Variants in CCL24 observed in about 807,000 individuals in gnomAD.
CCL24 encodes C-C motif chemokine ligand 24, also known as C-C motif chemokine 24.
Under a neutral mutation model 8.6 loss-of-function variants are expected in CCL24, and 6 were observed. The observed-to-expected ratio is 0.70, with a 90% CI of 0.38 to 1.38. CCL24 has a LOEUF of 1.38. Ranked by LOEUF, CCL24 falls within the 40% of genes most tolerant of loss-of-function variation. The pLI, the probability that CCL24 is intolerant of heterozygous loss-of-function variation, is 0.02. For missense variants in CCL24, 126 were observed against 147.1 expected, an observed-to-expected ratio of 0.86 and a Z score of 0.74; for synonymous variants, 59 against 52.7, an observed-to-expected ratio of 1.12 and a Z score of -0.52.
At chr7:75,814,308 G>T (rs573503087), upstream of CCL24, among the ~76,000 whole-genome samples, 1 of 152,158 alleles carries the variant, frequency 6.6e-6, no homozygotes, top group African/African-American at 2.4e-5. Context: ...GCTCATGCTT[G>T]TAATCCCTGT....
At position 75,820,114 on chromosome 7, in the gene CCL24, T is replaced by C. The variant is rs189252931; in HGVS notation, c.-60+3208A>G. On this transcript the variant is annotated intron_variant, in intron 1 of 3. Coordinates refer to the CCL24 transcript ENST00000416943. The stretch of plus-strand genomic sequence containing the variant: ...CTCTTCTTCTTCTTCTTCCTTCTTC[T>C]TCTTCTTCTTCTTCTTCTCCTCCTC... Among the ~76,000 whole-genome samples the C allele has an allele frequency of 8.1e-4, 106 of 130,564 alleles. 1 individual carries two copies. The highest frequency in any genetic ancestry group is 7.0e-3 in the Middle Eastern group (2 of 286). The allele number at this position is 130,564 out of a possible 152,430, so 85.7% of individuals were successfully genotyped here. A position where few individuals can be genotyped will look rare whatever the true frequency, so the allele number is the denominator to read the frequency against.
intron 1 of CCL24, 98 bp from the exon 2 acceptor site, chr7:75,813,521 G>A: frequency 8.0e-7 from 1 of 1,245,308 alleles, no homozygotes; most frequent in Non-Finnish European, 1.2e-6. Context: ...AACACCGCCA[G>A]TCCATTCACT....
At chr7:75,819,841 C>A (rs1803987017) in intron 1 of CCL24, among the ~76,000 whole-genome samples, 2 of 151,882 alleles carry the variant, frequency 1.3e-5, no homozygotes, top group African/African-American at 4.8e-5. Context: ...ATATTTTAGT[C>A]CCTGACCTGC....
upstream of CCL24, among the ~76,000 whole-genome samples, chr7:75,814,865 G>C (rs1803854560): frequency 6.6e-6 from 1 of 151,890 alleles, no homozygotes; most frequent in African/African-American, 2.4e-5. Context: ...GTGACTCTCT[G>C]TGCAGCCGGA....
chr7:75,820,087 TCCTCTTCTTCTTCTTCTTC>T, intron 1 of CCL24, among the ~76,000 whole-genome samples: 2 of 136,386 alleles, frequency 1.5e-5, no homozygotes, highest in African/African-American at 5.4e-5. Context: ...TTCTTCTTCT[TCCTCTTCTTCTTCTTCTTC>T]CTTCTTCTTC....
upstream of CCL24, among the ~76,000 whole-genome samples, chr7:75,815,988 T>C (rs1245976877): frequency 6.6e-6 from 1 of 152,200 alleles, no homozygotes; most frequent in East Asian, 1.9e-4. Flanking sequence ...CCAACCTCCC[T>C]GCTCTGGGAT....
chr7:75,820,923 T>TCATCCATCCATCCATC (rs150165581), intron 1 of CCL24, among the ~76,000 whole-genome samples: 3 of 144,240 alleles, frequency 2.1e-5, no homozygotes, highest in Non-Finnish European at 3.0e-5. Context: ...ATCCATCAAT[T>TCATCCATCCATCCATC]CATCCATCCA....
upstream of CCL24, among the ~76,000 whole-genome samples, chr7:75,814,571 T>C (rs1055804492): frequency 7.9e-5 from 12 of 151,468 alleles, no homozygotes; most frequent in African/African-American, 2.9e-4. Context: ...TGTCTTAAAA[T>C]CAATCAATCA....
chr7:75,819,195 G>A (rs1488145119), intron 1 of CCL24, among the ~76,000 whole-genome samples: 47 of 137,240 alleles, frequency 3.4e-4, no homozygotes, highest in Non-Finnish European at 6.4e-4. Context: ...TTGAACCTGG[G>A]AGGCAGAGGT....
chr7:75,820,241 C>A (rs1330930456), intron 1 of CCL24, among the ~76,000 whole-genome samples: 1 of 151,146 alleles, frequency 6.6e-6, no homozygotes, highest in African/African-American at 2.4e-5. Flanking sequence ...GGCAACAGCA[C>A]AATCTCGGCT....
intron 1 of CCL24, among the ~76,000 whole-genome samples, chr7:75,820,165 TTCTCCTTCTCCTTCTCC>T (rs1554534900): frequency 2.3e-5 from 2 of 86,400 alleles, no homozygotes; most frequent in African/African-American, 4.1e-5. Context: ...CTCCTTCTCC[TTCTCCTTCTCCTTCTCC>T]TTCTCCTTCT....
Position 75,811,886 on chromosome 7 carries a change from G to A in CCL24, c.270C>T (p.Asp90=), listed in dbSNP as rs202145310. The part of the protein sequence containing the change: ...EWVQRYMKNL[D]AKQKKASPRA... Reference sequence around the variant, plus strand: ...TAGGGGAAGCCTTCTTCTGCTTGGCGTCCAGGTTCTTCATGTACCTCTGGA... The same window carrying A: ...TAGGGGAAGCCTTCTTCTGCTTGGCATCCAGGTTCTTCATGTACCTCTGGA... Residue 90 remains aspartate (D), a synonymous_variant, in exon 3 of 3, where the codon GAC becomes GAT. Transcript: ENST00000222902. 28 of 1,611,512 alleles carry A rather than the reference G, an allele frequency of 1.7e-5. No individual in the cohort carries two copies. The highest frequency in any genetic ancestry group is 1.4e-4 in the South Asian group (13 of 90,940).
In CCL24 at chr7:75,820,071, T is replaced by TTCTTCTTCC. The variant is rs1554534815; in HGVS notation, c.-60+3250_-60+3251insGGAAGAAGA. On this transcript the variant is annotated intron_variant, in intron 1 of 3. Transcript: ENST00000416943. The stretch of plus-strand genomic sequence containing the variant: ...CTTCTTCTTCTTCTTCTTCTTCTTC[T>TTCTTCTTCC]TCTTCTTCTTCTTCTTCCTCTTCTT... 1.1e-3 allele frequency among the ~76,000 whole-genome samples: 155 copies of TTCTTCTTCC among 137,298 alleles called. 1 individual carries two copies. The highest frequency in any genetic ancestry group is 2.3e-3 in the Admixed American group (29 of 12,356). The allele number at this position is 137,298 out of a possible 152,430, so 90.1% of individuals were successfully genotyped here.
intron 1 of CCL24, among the ~76,000 whole-genome samples, chr7:75,820,000 A>G (rs1803990315): frequency 6.9e-6 from 1 of 145,222 alleles, no homozygotes; most frequent in Admixed American, 6.9e-5. Context: ...TTACGGATGT[A>G]AGGGCTTTTA....
At chr7:75,822,572 G>A (rs1022619939) in intron 1 of CCL24, among the ~76,000 whole-genome samples, 1 of 152,130 alleles carries the variant, frequency 6.6e-6, no homozygotes. Flanking sequence ...GGTGACTCAC[G>A]CCTGTGATCC....
intron 1 of CCL24, among the ~76,000 whole-genome samples, chr7:75,822,913 T>A (rs782624425): frequency 5.3e-5 from 8 of 152,198 alleles, no homozygotes; most frequent in Non-Finnish European, 1.2e-4. Flanking sequence ...GGGGCAGAAC[T>A]CGTCCTACAT....
chr7:75,810,934 TAGAG>T lies in CCL24; in HGVS notation c.*858_*861del, dbSNP rs1803741118. 6.6e-6 allele frequency among the ~76,000 whole-genome samples: 1 copy of T among 151,656 alleles called. No individual in the cohort carries two copies. Among genetic ancestry groups the T allele is most frequent in the African/African-American group, 2.4e-5 (1 of 41,276 alleles). On this transcript the variant is annotated 3_prime_UTR_variant, in exon 3 of 3. Coordinates refer to ENST00000222902, the MANE Select transcript of CCL24 (RefSeq NM_002991.3). ...TATATCATGCATAGAAAAAAAAAGC[TAGAG>T]TCTTTTCTCCCCCTAATCCCCCCAC...
At chr7:75,821,223 G>C (rs1373302069) in intron 1 of CCL24, among the ~76,000 whole-genome samples, 1 of 152,076 alleles carries the variant, frequency 6.6e-6, no homozygotes, top group African/African-American at 2.4e-5. Context: ...GGAGGAAACT[G>C]GGCAGAGAAG....
chr7:75,822,405 G>A (rs1320153756), intron 1 of CCL24, among the ~76,000 whole-genome samples: 3 of 152,068 alleles, frequency 2.0e-5, no homozygotes, highest in Admixed American at 6.6e-5. Flanking sequence ...GGTGGAGGGA[G>A]TAGGCCTCAA....
Sources: gnomAD v4.1 joint callset for allele counts (sites outside exome capture counted in the v4.1 genomes callset) on GRCh38, gnomAD v4.1.1 for gene constraint, MANE v1.5 for transcripts, NCBI Gene and HGNC (gene_info 2026-07-23, HGNC 2026-07-21) for gene names.